The following SMARCAL1 variants were observed in gnomAD, a reference collection of about 807,000 sequenced individuals.
SMARCAL1 encodes SNF2 related chromatin remodeling annealing helicase 1.
Under a neutral mutation model 94.5 loss-of-function variants are expected in SMARCAL1, and 58 were observed. That is an observed-to-expected ratio of 0.61 (90% CI 0.50 to 0.76). The LOEUF (loss-of-function observed/expected upper bound fraction) is 0.76. SMARCAL1 is among the 30% of genes least tolerant of loss of function. The probability of loss-of-function intolerance (pLI) is 0.00; values close to 1 mark genes in which losing one functional copy is unlikely to be tolerated. For synonymous variants in SMARCAL1, 422 were observed against 455.1 expected, an observed-to-expected ratio of 0.93 and a Z score of 0.93; for missense variants, 1,051 against 1,177.9, an observed-to-expected ratio of 0.89 and a Z score of 1.58.
Position 216,428,912 on chromosome 2 carries a change from A to G in SMARCAL1, c.1334+130A>G, listed in dbSNP as rs1405442865. On this transcript the variant is annotated intron_variant, in intron 7 of 17. Transcript: ENST00000357276. ...GATAGATGAAAATTTAGAAGAGTCT[A>G]GGCATTAAACAGCCAGGTGTGCTGT... The G allele has an allele frequency of 8.0e-6, 7 of 870,268 alleles. No homozygotes were observed. In the East Asian group the frequency reaches 1.8e-4, roughly 22 times the overall value. 53.9% of individuals were successfully genotyped at this position (870,268 alleles called of 1,614,324 possible).
rs943983681 is a variant in SMARCAL1 at position 216,479,883 on chromosome 2, C to T, written c.2625+1584C>T. Among the ~76,000 whole-genome samples the T allele has an allele frequency of 3.3e-5, 5 of 152,178 alleles. No homozygotes were observed. The East Asian group carries it at 7.7e-4, about 24-fold the overall frequency. On this transcript the variant is annotated intron_variant, in intron 17 of 17. Coordinates refer to ENST00000357276, the MANE Select transcript of SMARCAL1 (RefSeq NM_014140.4). Reference sequence around the variant, plus strand: ...CTGGGCAACATGGTGAAACCCCCATCTCTACAAAAAATACAAAAATTAGCC... The same window carrying T: ...CTGGGCAACATGGTGAAACCCCCATTTCTACAAAAAATACAAAAATTAGCC...
At chr2:216,466,516 TTTTTC>T (rs1320087396) in intron 13 of SMARCAL1, among the ~76,000 whole-genome samples, 1 of 152,180 alleles carries the variant, frequency 6.6e-6, no homozygotes, top group African/African-American at 2.4e-5. Flanking sequence ...CAGCTAGTTG[TTTTTC>T]TTTTCTTTTT....
intron 12 of SMARCAL1, among the ~76,000 whole-genome samples, chr2:216,456,452 T>C (rs563624345): frequency 4.6e-5 from 7 of 152,196 alleles, no homozygotes; most frequent in African/African-American, 1.4e-4. Context: ...AGAGAAAGGT[T>C]GGGTTACCCA....
rs1694335489 is a variant in SMARCAL1, at chr2:216,447,143, C to T, written c.1836C>T (p.Tyr612=). 1 of 1,613,968 alleles carries T rather than the reference C, an allele frequency of 6.2e-7. No homozygotes were observed. The highest frequency in any genetic ancestry group is 1.7e-5 in the Admixed American group (1 of 60,002). Residue 612 remains tyrosine (Y), a synonymous_variant, in exon 11 of 18, where the codon TAC becomes TAT. Transcript: ENST00000357276. The part of the protein sequence containing the change: ...FPQFHAFGLR[Y]CDAKRMPWGW... The stretch of plus-strand genomic sequence containing the variant: ...AGTTTCATGCCTTTGGACTTCGCTA[C>T]TGTGATGCCAAACGGGTATGTATTA...
intron 8 of SMARCAL1, among the ~76,000 whole-genome samples, chr2:216,433,897 T>C (rs673186): frequency 0.48 from 72,265 of 150,052 alleles, 20,259 homozygotes; most frequent in African/African-American, 0.79. Context: ...AAGGCCCAGA[T>C]GTGCTATTCT....
chr2:216,436,207 G>A (rs1336719715), intron 9 of SMARCAL1, among the ~76,000 whole-genome samples: 1 of 152,152 alleles, frequency 6.6e-6, no homozygotes, highest in Non-Finnish European at 1.5e-5. Context: ...GACCTCAGGT[G>A]ATCCACCCAC....
chr2:216,432,039 C>A (rs1693975200), intron 7 of SMARCAL1, among the ~76,000 whole-genome samples: 1 of 151,360 alleles, frequency 6.6e-6, no homozygotes, highest in Admixed American at 6.6e-5. Flanking sequence ...TCTTTTTTTT[C>A]AGATGGAGTT....
At chr2:216,468,614 C>T (rs1694886733) in intron 14 of SMARCAL1, among the ~76,000 whole-genome samples, 1 of 152,120 alleles carries the variant, frequency 6.6e-6, no homozygotes, top group Non-Finnish European at 1.5e-5. Flanking sequence ...CTTTGTCTTC[C>T]CTCATCGTTT....
intron 5 of SMARCAL1, among the ~76,000 whole-genome samples, chr2:216,422,811 T>C (rs1007926097): frequency 2.0e-5 from 3 of 152,218 alleles, no homozygotes; most frequent in African/African-American, 7.2e-5. Flanking sequence ...TTTCAAAAGA[T>C]AGATTAGTAG....
At position 216,414,852 on chromosome 2, in the gene SMARCAL1, A is replaced by G. The variant is rs2106014433; in HGVS notation, c.148A>G (p.Lys50Glu). The change falls in exon 3 of 18, where the codon AAG (lysine) becomes GAG (glutamate). Residue 50 changes from lysine to glutamate, a missense_variant. By Grantham distance (56) the Lys-to-Glu change is moderately conservative. This residue lies in a region of SMARCAL1 where 398 missense variants were observed against 395.2 expected (regional missense o/e 1.01). Transcript: ENST00000357276. ...TSIAGNPFQA[K>E]QGPSQNFPRE... is the part of the protein sequence containing the mutation. Reference sequence around the variant, plus strand: ...CATTGCTGGCAACCCATTCCAGGCCAAGCAAGGCCCATCCCAAAATTTCCC... The same window carrying G: ...CATTGCTGGCAACCCATTCCAGGCCGAGCAAGGCCCATCCCAAAATTTCCC... 6.2e-7 allele frequency: 1 copy of G among 1,614,222 alleles called. No individual in the cohort carries two copies. Among genetic ancestry groups the G allele is most frequent in the Admixed American group, 1.7e-5 (1 of 60,030 alleles).
intron 1 of SMARCAL1, among the ~76,000 whole-genome samples, 174 bp from the exon 2 acceptor site, chr2:216,413,682 A>C (rs1456688127): frequency 5.3e-5 from 8 of 151,606 alleles, no homozygotes; most frequent in Admixed American, 4.6e-4. Flanking sequence ...TTCCCAGGAG[A>C]GTCAGTCAGT....
chr2:216,415,885 GTT>G, intron 3 of SMARCAL1: 1 of 377,482 alleles, frequency 2.6e-6, no homozygotes, highest in South Asian at 2.6e-5. Flanking sequence ...GACAGGCCCA[GTT>G]TCATTGGTCT....
intron 7 of SMARCAL1, among the ~76,000 whole-genome samples, 178 bp downstream of exon 7, chr2:216,428,960 T>A (rs1693900791): frequency 6.6e-6 from 1 of 152,218 alleles, no homozygotes; most frequent in African/African-American, 2.4e-5. Context: ...ATTGTAACCA[T>A]TGATTTCAAA....
At chr2:216,463,161 T>C (rs568383731) in intron 12 of SMARCAL1, among the ~76,000 whole-genome samples, 3 of 152,302 alleles carry the variant, frequency 2.0e-5, no homozygotes, top group South Asian at 4.1e-4. Flanking sequence ...CTTTGTTCCC[T>C]GGGGAAGCTG....
At chr2:216,441,117 T>G (rs1346552881) in intron 10 of SMARCAL1, among the ~76,000 whole-genome samples, 1 of 152,272 alleles carries the variant, frequency 6.6e-6, no homozygotes, top group Non-Finnish European at 1.5e-5. Flanking sequence ...TAGAACTATA[T>G]TCTGATAATT....
chr2:216,428,907 A>C, intron 7 of SMARCAL1, 125 bp downstream of exon 7: 1 of 899,908 alleles, frequency 1.1e-6, no homozygotes, highest in Admixed American at 1.9e-5. Flanking sequence ...AATTTAGAAG[A>C]GTCTAGGCAT....
chr2:216,450,575 C>T (rs1048920477), intron 11 of SMARCAL1, among the ~76,000 whole-genome samples: 1 of 152,202 alleles, frequency 6.6e-6, no homozygotes, highest in Non-Finnish European at 1.5e-5. Flanking sequence ...TGACTTCTGG[C>T]ATTTGCTGCT....
At chr2:216,448,197 G>A (rs1269012195) in intron 11 of SMARCAL1, among the ~76,000 whole-genome samples, 2 of 152,098 alleles carry the variant, frequency 1.3e-5, no homozygotes, top group East Asian at 1.9e-4. Flanking sequence ...TTTAAAAGCC[G>A]TACACTTCTT....
chr2:216,451,181 C>T, intron 12 of SMARCAL1, 117 bp downstream of exon 12: 1 of 857,268 alleles, frequency 1.2e-6, no homozygotes, highest in South Asian at 1.4e-5. Flanking sequence ...AACCTTTTCC[C>T]TCTTCCCTAG....
Sources: allele counts gnomAD v4.1 joint callset (sites outside exome capture counted in the v4.1 genomes callset), GRCh38; gene constraint gnomAD v4.1.1; regional missense constraint gnomAD v4.1.1; transcripts MANE v1.5; gene names NCBI Gene and HGNC (gene_info 2026-07-23, HGNC 2026-07-21).